LUZP1: variants seen among roughly 807,000 people sequenced by gnomAD.
The protein encoded by LUZP1 is leucine zipper protein 1, also known as filamin mechanobinding actin cross-linking protein.
LUZP1 carries 25 observed loss-of-function variants against 71.3 expected under a neutral mutation model. The ratio of observed to expected loss-of-function variants is 0.35; its 90% CI spans 0.26 to 0.49. LUZP1 has a LOEUF of 0.49. LUZP1 is among the 20% of genes least tolerant of loss of function. The pLI is 0.99. For synonymous variants in LUZP1, 481 were observed against 506.4 expected, an observed-to-expected ratio of 0.95 and a Z score of 0.67; for missense variants, 1,142 against 1,300.8, an observed-to-expected ratio of 0.88 and a Z score of 1.88.
At chr1:23,120,133 G>C (rs1251264440) in intron 2 of LUZP1, among the ~76,000 whole-genome samples, 1 of 151,966 alleles carries the variant, frequency 6.6e-6, no homozygotes, top group African/African-American at 2.4e-5. Flanking sequence ...TGTAGAGATG[G>C]GGTTTCACCA....
chr1:23,088,797 G>C, exon 5 of LUZP1: 2 of 1,493,590 alleles, frequency 1.3e-6, no homozygotes, highest in Non-Finnish European at 1.8e-6. Context: ...CAAGGCTTGT[G>C]TCTTGCCTGG....
intron 2 of LUZP1, among the ~76,000 whole-genome samples, chr1:23,112,379 T>C (rs1323645086): frequency 1.3e-5 from 2 of 152,196 alleles, no homozygotes; most frequent in Non-Finnish European, 2.9e-5. Context: ...TACGTGTCTG[T>C]CTGCCTAGAA....
chr1:23,177,102 G>GT (rs1213394505), intron 1 of LUZP1, among the ~76,000 whole-genome samples: 1 of 151,874 alleles, frequency 6.6e-6, no homozygotes, highest in Non-Finnish European at 1.5e-5. Context: ...TGTTTCCCAG[G>GT]CTGGTCTCAA....
intron 2 of LUZP1, among the ~76,000 whole-genome samples, chr1:23,120,413 G>A (rs1644121075): frequency 6.6e-6 from 1 of 152,096 alleles, no homozygotes; most frequent in Admixed American, 6.5e-5. Flanking sequence ...CCAGGCAGGA[G>A]TGCAATGGTG....
chr1:23,106,485 G>A (rs1347898127), intron 3 of LUZP1, among the ~76,000 whole-genome samples: 1 of 152,020 alleles, frequency 6.6e-6, no homozygotes, highest in African/African-American at 2.4e-5. Context: ...TGCACCTGTA[G>A]TCCCAGCTTC....
chr1:23,129,646 A>G (rs1644198984), intron 2 of LUZP1, among the ~76,000 whole-genome samples: 1 of 152,204 alleles, frequency 6.6e-6, no homozygotes, highest in Non-Finnish European at 1.5e-5. Flanking sequence ...ACATGCACAT[A>G]GCCTTCTTAT....
At chr1:23,117,478 C>CT (rs35662791) in intron 2 of LUZP1, among the ~76,000 whole-genome samples, 1,341 of 17,292 alleles carry the variant, frequency 0.078, 19 homozygotes, top group Non-Finnish European at 0.1. Flanking sequence ...TCTCTCTCTC[C>CT]CCCCCCCCCC....
intron 2 of LUZP1, among the ~76,000 whole-genome samples, chr1:23,147,111 T>A (rs1178860752): frequency 7.1e-6 from 1 of 141,556 alleles, no homozygotes; most frequent in African/African-American, 2.6e-5. Context: ...ATAATAATAA[T>A]AATAATAATA....
chr1:23,119,070 A>G (rs1644108977), intron 2 of LUZP1, among the ~76,000 whole-genome samples: 1 of 152,178 alleles, frequency 6.6e-6, no homozygotes, highest in Admixed American at 6.5e-5. Context: ...CGTAGCAATT[A>G]ACGTGGAGCT....
At chr1:23,154,709 A>ACT (rs1269152029) in intron 2 of LUZP1, among the ~76,000 whole-genome samples, 2 of 125,634 alleles carry the variant, frequency 1.6e-5, no homozygotes, top group African/African-American at 6.3e-5. Context: ...CACCTGGCTA[A>ACT]TTTTTTTTTT....
intron 2 of LUZP1, among the ~76,000 whole-genome samples, chr1:23,151,903 G>A (rs866057488): frequency 2.6e-5 from 4 of 151,666 alleles, no homozygotes; most frequent in Admixed American, 6.6e-5. Flanking sequence ...TCGGGAGGCT[G>A]AGGCAGGAGA....
intron 2 of LUZP1, among the ~76,000 whole-genome samples, chr1:23,161,436 C>T (rs1402552722): frequency 1.3e-5 from 2 of 152,122 alleles, no homozygotes; most frequent in Non-Finnish European, 2.9e-5. Flanking sequence ...GCCATGCATA[C>T]AAAGGCCCTG....
intron 2 of LUZP1, among the ~76,000 whole-genome samples, chr1:23,163,237 CAAAAAAAAAAAA>C (rs36097785): frequency 2.2e-5 from 1 of 45,172 alleles, no homozygotes; most frequent in Non-Finnish European, 4.5e-5. Context: ...GAGACTCTCT[CAAAAAAAAAAAA>C]AAAAAAAAAG....
exon 4 of LUZP1, chr1:23,091,793 A>G (rs1158631892): frequency 3.1e-6 from 5 of 1,613,912 alleles, no homozygotes; most frequent in African/African-American, 1.3e-5. Flanking sequence ...CCACCTGGAT[A>G]TTGCTAGTGG....
intron 2 of LUZP1, among the ~76,000 whole-genome samples, chr1:23,165,579 C>T (rs534219463): frequency 1.3e-5 from 2 of 151,702 alleles, no homozygotes; most frequent in East Asian, 1.9e-4. Context: ...AGAAGGCTGA[C>T]GTGGGAAAAT....
chr1:23,113,529 A>G (rs1213573592), intron 2 of LUZP1, among the ~76,000 whole-genome samples: 1 of 152,206 alleles, frequency 6.6e-6, no homozygotes, highest in Non-Finnish European at 1.5e-5. Context: ...CCAGATGCTG[A>G]AATTCTCAGA....
intron 2 of LUZP1, among the ~76,000 whole-genome samples, chr1:23,156,557 C>T (rs1475785779): frequency 6.6e-6 from 1 of 152,088 alleles, no homozygotes; most frequent in African/African-American, 2.4e-5. Context: ...AATAAAATCA[C>T]AGTGACATTA....
At chr1:23,095,148 A>C (rs1185603333) in intron 3 of LUZP1, among the ~76,000 whole-genome samples, 1 of 152,220 alleles carries the variant, frequency 6.6e-6, no homozygotes, top group Admixed American at 6.5e-5. Flanking sequence ...TATATACCAA[A>C]CATATAATAA....
At chr1:23,156,329 G>A (rs1644420677) in intron 2 of LUZP1, among the ~76,000 whole-genome samples, 1 of 151,990 alleles carries the variant, frequency 6.6e-6, no homozygotes, top group Non-Finnish European at 1.5e-5. Context: ...GCAGTGAGCC[G>A]AGATCATGCC....
Sources: gnomAD v4.1 joint callset for allele counts (sites outside exome capture counted in the v4.1 genomes callset) on GRCh38, gnomAD v4.1.1 for gene constraint, MANE v1.5 for transcripts, NCBI Gene and HGNC (gene_info 2026-07-23, HGNC 2026-07-21) for gene names.